Variants in PTPRD observed in about 807,000 individuals in gnomAD.
The protein encoded by PTPRD is protein tyrosine phosphatase receptor type D.
A neutral mutation model predicts 214.5 loss-of-function variants in PTPRD; 34 were observed. The observed-to-expected ratio is 0.16, with a 90% CI of 0.12 to 0.21. The LOEUF (loss-of-function observed/expected upper bound fraction) is 0.21, where lower values mean the gene tolerates loss of function less well. PTPRD is among the 10% of genes least tolerant of loss of function. The probability of loss-of-function intolerance (pLI) is 1.00; values close to 1 mark genes in which losing one functional copy is unlikely to be tolerated. For missense variants in PTPRD, 2,545 were observed against 2,398.7 expected (o/e 1.06, Z -1.27); for synonymous variants, 1,128 against 845.7 (o/e 1.33, Z -5.79).
intron 11 of PTPRD, among the ~76,000 whole-genome samples, chr9:8,843,844 C>T (rs117728154): frequency 2.0e-4 from 31 of 152,228 alleles, no homozygotes; most frequent in Non-Finnish European, 4.1e-4. Context: ...GCCTTAGGTT[C>T]CAAAGACCAA....
At chr9:9,858,086 G>T (rs2153684195) in intron 5 of PTPRD, among the ~76,000 whole-genome samples, 1 of 152,200 alleles carries the variant, frequency 6.6e-6, no homozygotes, top group Admixed American at 6.5e-5. Context: ...AGACATTCAG[G>T]AACTGTGCTA....
chr9:9,524,514 G>T (rs953682962), intron 8 of PTPRD, among the ~76,000 whole-genome samples: 1 of 152,084 alleles, frequency 6.6e-6, no homozygotes, highest in Non-Finnish European at 1.5e-5. Context: ...GTCCCATAGG[G>T]TACTCAACAT....
At chr9:10,121,173 A>G (rs73394207) in intron 3 of PTPRD, among the ~76,000 whole-genome samples, 21,704 of 152,042 alleles carry the variant, frequency 0.14, 1,639 homozygotes, top group South Asian at 0.28. Context: ...TATCAGAGAT[A>G]ATTTAATCCA....
chr9:10,606,378 T>C (rs2079357372), intron 2 of PTPRD, among the ~76,000 whole-genome samples: 1 of 151,838 alleles, frequency 6.6e-6, no homozygotes, highest in East Asian at 1.9e-4. Context: ...CTAACTTTGA[T>C]TATAAAGATT....
chr9:8,792,266 G>C (rs899386557), intron 11 of PTPRD, among the ~76,000 whole-genome samples: 3 of 152,138 alleles, frequency 2.0e-5, no homozygotes, highest in African/African-American at 7.2e-5. Context: ...GATTCTAAAA[G>C]TAAGATGTCT....
chr9:8,963,314 G>C (rs1413284100), intron 11 of PTPRD, among the ~76,000 whole-genome samples: 1 of 152,148 alleles, frequency 6.6e-6, no homozygotes, highest in Admixed American at 6.6e-5. Flanking sequence ...TAATACATGG[G>C]AGGATTTTAG....
intron 39 of PTPRD, among the ~76,000 whole-genome samples, chr9:8,367,009 T>C (rs1317126936): frequency 6.6e-6 from 1 of 152,190 alleles, no homozygotes; most frequent in African/African-American, 2.4e-5. Context: ...CACATCTTTG[T>C]CCTTGAAAGT....
intron 2 of PTPRD, among the ~76,000 whole-genome samples, chr9:10,348,114 A>C (rs1482527403): frequency 6.6e-6 from 1 of 152,126 alleles, no homozygotes; most frequent in African/African-American, 2.4e-5. Context: ...TTTATCTATC[A>C]AGCACTAAAT....
chr9:8,709,514 C>CAAAAAAAAAAAAAAAAAAA (rs758112672), intron 12 of PTPRD, among the ~76,000 whole-genome samples: 2 of 56,300 alleles, frequency 3.6e-5, no homozygotes, highest in Non-Finnish European at 6.9e-5. Context: ...GACTCCATCT[C>CAAAAAAAAAAAAAAAAAAA]AAAAAAAAAA....
intron 3 of PTPRD, among the ~76,000 whole-genome samples, chr9:10,332,746 G>T (rs539574284): frequency 6.6e-6 from 1 of 151,680 alleles, no homozygotes; most frequent in Non-Finnish European, 1.5e-5. Flanking sequence ...CAACAGAGCT[G>T]CATTCTGAAC....
chr9:8,378,398 T>C (rs2083900672), intron 37 of PTPRD, among the ~76,000 whole-genome samples: 1 of 151,780 alleles, frequency 6.6e-6, no homozygotes, highest in Non-Finnish European at 1.5e-5. Flanking sequence ...GAACCAACAC[T>C]ACTTCAGCAG....
At chr9:9,394,756 A>C (rs1306438621) in intron 9 of PTPRD, among the ~76,000 whole-genome samples, 2 of 152,168 alleles carry the variant, frequency 1.3e-5, no homozygotes, top group African/African-American at 2.4e-5. Flanking sequence ...TATTGAAAGA[A>C]AGTCAAGAGA....
At chr9:10,605,300 G>C (rs2079009120) in intron 2 of PTPRD, among the ~76,000 whole-genome samples, 1 of 151,860 alleles carries the variant, frequency 6.6e-6, no homozygotes, top group South Asian at 2.1e-4. Flanking sequence ...AGTCTTGACT[G>C]TAACTGCTAT....
chr9:8,826,723 T>C (rs2097183387), intron 11 of PTPRD, among the ~76,000 whole-genome samples: 1 of 152,004 alleles, frequency 6.6e-6, no homozygotes, highest in African/African-American at 2.4e-5. Flanking sequence ...AGCCCCTTAA[T>C]GGCAAGCATA....
chr9:9,184,573 T>C (rs999985340), intron 9 of PTPRD, among the ~76,000 whole-genome samples: 7 of 152,066 alleles, frequency 4.6e-5, no homozygotes, highest in Non-Finnish European at 1.0e-4. Flanking sequence ...AGGACATCTA[T>C]TGGCACTGCG....
chr9:9,599,753 C>A (rs1299136863), intron 7 of PTPRD, among the ~76,000 whole-genome samples: 2 of 151,916 alleles, frequency 1.3e-5, no homozygotes, highest in South Asian at 2.1e-4. Context: ...ACTGGCACAT[C>A]TCTATTAGCA....
At chr9:9,262,037 T>C (rs902824231) in intron 9 of PTPRD, among the ~76,000 whole-genome samples, 7 of 151,700 alleles carry the variant, frequency 4.6e-5, no homozygotes, top group Non-Finnish European at 1.0e-4. Flanking sequence ...TTGCAAAATA[T>C]ATTAAATTCC....
intron 2 of PTPRD, among the ~76,000 whole-genome samples, chr9:10,478,907 A>ATAT (rs1301161451): frequency 1.3e-5 from 2 of 152,016 alleles, no homozygotes; most frequent in African/African-American, 4.8e-5. Flanking sequence ...ATGAAATTTC[A>ATAT]AACCTAAAAT....
chr9:9,267,736 A>G (rs944480200), intron 9 of PTPRD, among the ~76,000 whole-genome samples: 2 of 151,274 alleles, frequency 1.3e-5, no homozygotes, highest in African/African-American at 4.8e-5. Context: ...ACATAAATCA[A>G]TATATGTGAT....
Sources: allele counts gnomAD v4.1 joint callset (sites outside exome capture counted in the v4.1 genomes callset), GRCh38; gene constraint gnomAD v4.1.1; transcripts MANE v1.5; gene names NCBI Gene and HGNC (gene_info 2026-07-23, HGNC 2026-07-21).